The following NR3C1 variants were observed in gnomAD, a reference collection of about 807,000 sequenced individuals.
The protein encoded by NR3C1 is nuclear receptor subfamily 3 group C member 1, also known as glucocorticoid receptor.
A neutral mutation model predicts 74.0 loss-of-function variants in NR3C1; 14 were observed. That is an observed-to-expected ratio of 0.19 (90% CI 0.12 to 0.30). The LOEUF is 0.30. Ranked by LOEUF, NR3C1 falls within the 10% of genes least tolerant of loss-of-function variation. The pLI, the probability that NR3C1 is intolerant of heterozygous loss-of-function variation, is 1.00. For synonymous variants in NR3C1, 308 were observed against 332.5 expected (o/e 0.93, Z 0.80); for missense variants, 695 against 909.8 (o/e 0.76, Z 3.04).
intron 2 of NR3C1, among the ~76,000 whole-genome samples, chr5:143,378,754 C>T (rs1835669764): frequency 6.6e-6 from 1 of 152,168 alleles, no homozygotes; most frequent in South Asian, 2.1e-4. Flanking sequence ...ATGTTTAACA[C>T]AAGAAATTTA....
At chr5:143,397,402 A>G (rs1025002808) in intron 2 of NR3C1, among the ~76,000 whole-genome samples, 1 of 151,938 alleles carries the variant, frequency 6.6e-6, no homozygotes, top group Admixed American at 6.6e-5. Flanking sequence ...GTCATGTAAC[A>G]TATAGAGAAG....
At chr5:143,354,396 C>T (rs933601637) in intron 2 of NR3C1, among the ~76,000 whole-genome samples, 2 of 152,144 alleles carry the variant, frequency 1.3e-5, no homozygotes, top group African/African-American at 2.4e-5. Flanking sequence ...CTAAGTTTAG[C>T]CACTTCTAGC....
intron 2 of NR3C1, among the ~76,000 whole-genome samples, chr5:143,354,684 A>G (rs548735215): frequency 1.6e-4 from 24 of 152,276 alleles, no homozygotes; most frequent in Non-Finnish European, 3.2e-4. Context: ...GCACTTTGGG[A>G]GGCCAAGGTG....
At chr5:143,295,611 G>A in intron 6 of NR3C1, 21 bp from the exon 7 acceptor site, 1 of 1,594,366 alleles carries the variant, frequency 6.3e-7, no homozygotes, top group Non-Finnish European at 8.6e-7. Flanking sequence ...TAAATAGCAG[G>A]GTATTAGTTA....
At chr5:143,333,620 G>A (rs1201168052) in intron 2 of NR3C1, among the ~76,000 whole-genome samples, 1 of 151,984 alleles carries the variant, frequency 6.6e-6, no homozygotes, top group Non-Finnish European at 1.5e-5. Flanking sequence ...ATACAAAAAT[G>A]AGCTGGGTGT....
At chr5:143,290,753 C>T (rs149230444) in intron 7 of NR3C1, among the ~76,000 whole-genome samples, 9 of 151,826 alleles carry the variant, frequency 5.9e-5, no homozygotes, top group East Asian at 1.9e-4. Context: ...TTAGTAGAGT[C>T]GGGGTTTCGC....
intron 7 of NR3C1, among the ~76,000 whole-genome samples, chr5:143,283,964 C>CTCCAGAGAGGGGAAATGCATTATTT (rs1599655905): frequency 6.6e-6 from 1 of 152,312 alleles, no homozygotes. Context: ...ACTGTGCACT[C>CTCCAGAGAGGGGAAATGCATTATTT]TCCAGAGAGG....
intron 4 of NR3C1, among the ~76,000 whole-genome samples, chr5:143,306,510 CCA>C (rs1021628697): frequency 6.6e-6 from 1 of 152,114 alleles, no homozygotes; most frequent in African/African-American, 2.4e-5. Context: ...TACAGTGAAA[CCA>C]CACACACAAA....
intron 7 of NR3C1, 57 bp from the exon 8 acceptor site, chr5:143,282,782 T>A: frequency 6.4e-7 from 1 of 1,557,108 alleles, no homozygotes; most frequent in Non-Finnish European, 8.7e-7. Context: ...CTTTTCTTTT[T>A]TTTTTTTTTT....
chr5:143,357,203 A>G (rs1259387420), intron 2 of NR3C1, among the ~76,000 whole-genome samples: 1 of 152,218 alleles, frequency 6.6e-6, no homozygotes, highest in East Asian at 1.9e-4. Context: ...GTTTGTCAAC[A>G]TGGTAAATAG....
intron 2 of NR3C1, chr5:143,332,663 C>T (rs1340776107): frequency 1.6e-5 from 26 of 1,577,414 alleles, no homozygotes; most frequent in Non-Finnish European, 1.8e-5. Context: ...TGGAATCATT[C>T]CTACATGATT....
intron 7 of NR3C1, chr5:143,293,863 TC>T (rs1816508766): frequency 3.1e-6 from 3 of 963,840 alleles, no homozygotes; most frequent in East Asian, 1.1e-4. Context: ...TTGAAACCAT[TC>T]TTTTTTTTTT....
exon 1 of NR3C1, chr5:143,434,832 C>CT (rs1752036673): frequency 3.0e-6 from 3 of 985,376 alleles, no homozygotes; most frequent in African/African-American, 1.7e-5. Context: ...ACGCAGATTC[C>CT]TTTTTTCAGA....
intron 2 of NR3C1, among the ~76,000 whole-genome samples, chr5:143,372,798 T>C (rs1049923979): frequency 2.6e-5 from 4 of 152,172 alleles, no homozygotes; most frequent in African/African-American, 9.7e-5. Context: ...TGTTCAACAA[T>C]CACAATTATT....
intron 3 of NR3C1, among the ~76,000 whole-genome samples, chr5:143,310,981 T>C (rs574613822): frequency 1.1e-3 from 162 of 152,302 alleles, no homozygotes; most frequent in Non-Finnish European, 2.0e-3. Context: ...AAACAAATAA[T>C]AGTTTGGGGT....
chr5:143,403,425 C>A lies in NR3C1; in HGVS notation c.-228G>T, dbSNP rs1453634564. 7 of 966,488 alleles carry A rather than the reference C, an allele frequency of 7.2e-6. No homozygotes were observed. In the South Asian group the frequency reaches 2.9e-4, roughly 41 times the overall value. The allele number at this position is 966,488 out of a possible 1,614,324, so 59.9% of individuals were successfully genotyped here. ...CCCAGCTGACAAGCCAGCCCTCCGC[C>A]CCGCGCCGGGCTCCGCGGGTCGAGG... On this transcript the variant is annotated 5_prime_UTR_variant, in exon 1 of 9. Transcript: ENST00000394464.
chr5:143,411,384 A>AAGT (rs1841286949), intron 1 of NR3C1, among the ~76,000 whole-genome samples: 1 of 152,226 alleles, frequency 6.6e-6, no homozygotes, highest in Non-Finnish European at 1.5e-5. Flanking sequence ...TCAGCAAAAG[A>AAGT]AGTCACTTCT....
chr5:143,402,889 G>A (rs1369864572), intron 1 of NR3C1: 2 of 951,978 alleles, frequency 2.1e-6, no homozygotes, highest in African/African-American at 3.5e-5. Context: ...ACTAGGGGGA[G>A]AAAAGAGGCC....
upstream of NR3C1, chr5:143,403,945 C>T (rs1036764981): frequency 1.0e-6 from 1 of 984,810 alleles, no homozygotes; most frequent in Non-Finnish European, 1.2e-6. Flanking sequence ...GCCCCCAACT[C>T]CCCAGGAAAA....
Sources: allele counts gnomAD v4.1 joint callset (sites outside exome capture counted in the v4.1 genomes callset), GRCh38; gene constraint gnomAD v4.1.1; transcripts MANE v1.5; gene names NCBI Gene and HGNC (gene_info 2026-07-23, HGNC 2026-07-21).